SLC9A9: variants seen among roughly 807,000 people sequenced by gnomAD.
The protein encoded by SLC9A9 is solute carrier family 9 member A9, also known as sodium/hydrogen exchanger 9.
In SLC9A9, 62 loss-of-function variants were observed where a neutral mutation model predicts 77.8. That is an observed-to-expected ratio of 0.80 (90% CI 0.65 to 0.98). The LOEUF is 0.98. SLC9A9 is among the 50% of genes least tolerant of loss of function. SLC9A9 has a pLI of 0.00. For synonymous variants in SLC9A9, 320 were observed against 283.5 expected (o/e 1.13, Z -1.29); for missense variants, 775 against 774.9 (o/e 1.00, Z 0.00).
At chr3:143,610,815 C>G (rs2038011788) in intron 6 of SLC9A9, among the ~76,000 whole-genome samples, 1 of 152,188 alleles carries the variant, frequency 6.6e-6, no homozygotes, top group African/African-American at 2.4e-5. Context: ...GAGGTGCCTT[C>G]AAATAAAGGC....
chr3:143,760,371 A>G (rs899752861), intron 4 of SLC9A9, among the ~76,000 whole-genome samples: 1 of 152,192 alleles, frequency 6.6e-6, no homozygotes, highest in African/African-American at 2.4e-5. Flanking sequence ...GAAAGAAATA[A>G]AGGGTATTCA....
At chr3:143,286,743 G>A (rs1179849900) in intron 14 of SLC9A9, among the ~76,000 whole-genome samples, 1 of 152,184 alleles carries the variant, frequency 6.6e-6, no homozygotes, top group African/African-American at 2.4e-5. Flanking sequence ...TTCAATGCCT[G>A]CAGATAACCC....
intron 5 of SLC9A9, among the ~76,000 whole-genome samples, chr3:143,678,399 A>T (rs6775995): frequency 0.23 from 34,522 of 151,994 alleles, 3,981 homozygotes; most frequent in Middle Eastern, 0.27. Context: ...ATATAGATTT[A>T]TAGATTTTCT....
intron 12 of SLC9A9, among the ~76,000 whole-genome samples, chr3:143,398,887 G>C (rs1020854519): frequency 2.0e-5 from 3 of 152,054 alleles, no homozygotes; most frequent in Non-Finnish European, 4.4e-5. Context: ...ACAAATAACT[G>C]AAACCTTATT....
intron 12 of SLC9A9, among the ~76,000 whole-genome samples, chr3:143,398,996 C>T (rs1046595120): frequency 1.3e-4 from 15 of 114,618 alleles, no homozygotes; most frequent in Non-Finnish European, 2.7e-4. Context: ...TTGTTGTATA[C>T]ACACACACAC....
intron 2 of SLC9A9, among the ~76,000 whole-genome samples, chr3:143,814,394 G>T (rs1231267260): frequency 6.6e-6 from 1 of 152,170 alleles, no homozygotes; most frequent in African/African-American, 2.4e-5. Context: ...AAGAGCCAAG[G>T]ATCAAGGACA....
chr3:143,670,652 C>T (rs1439334442), intron 5 of SLC9A9, among the ~76,000 whole-genome samples: 1 of 152,144 alleles, frequency 6.6e-6, no homozygotes, highest in Non-Finnish European at 1.5e-5. Flanking sequence ...GTACAGGAGA[C>T]CTTAAGCTTT....
intron 1 of SLC9A9, among the ~76,000 whole-genome samples, chr3:143,846,728 A>G (rs1405563714): frequency 4.4e-5 from 1 of 22,518 alleles, no homozygotes; most frequent in Admixed American, 6.6e-4. Flanking sequence ...ACAGCAAAAA[A>G]AGGTTTTTTT....
rs182563530 is a variant in SLC9A9 at position 143,480,576 on chromosome 3, A to G, written c.1315+13077T>C. Reference sequence around the variant, plus strand: ...TGCATAAGCTGGTTAACCCTATCCCATCTGGAGACCTCAGAAGACCTACTC... The same window carrying G: ...TGCATAAGCTGGTTAACCCTATCCCGTCTGGAGACCTCAGAAGACCTACTC... On this transcript the variant is annotated intron_variant, in intron 11 of 15. Coordinates refer to ENST00000316549, the MANE Select transcript of SLC9A9 (RefSeq NM_173653.4). Among the ~76,000 whole-genome samples, 718 of 152,214 alleles carry G rather than the reference A, an allele frequency of 4.7e-3. 10 individuals are homozygous for G. The highest frequency in any genetic ancestry group is 0.017 in the African/African-American group (686 of 41,526).
intron 5 of SLC9A9, among the ~76,000 whole-genome samples, chr3:143,663,593 T>G (rs1378146347): frequency 3.3e-5 from 5 of 152,170 alleles, no homozygotes; most frequent in Admixed American, 2.6e-4. Context: ...AATGGCTAAC[T>G]AGAATAACCA....
At chr3:143,387,770 T>C (rs113173436) in intron 12 of SLC9A9, among the ~76,000 whole-genome samples, 48 of 133,978 alleles carry the variant, frequency 3.6e-4, no homozygotes, top group Non-Finnish European at 6.7e-4. Context: ...GATGCTCTTA[T>C]ACCCAACCAT....
chr3:143,397,489 C>T (rs2033755811), intron 12 of SLC9A9, among the ~76,000 whole-genome samples: 1 of 152,176 alleles, frequency 6.6e-6, no homozygotes, highest in African/African-American at 2.4e-5. Context: ...AAACAAATCC[C>T]AGACTCTCAG....
chr3:143,806,825 T>G (rs550058102), intron 2 of SLC9A9, among the ~76,000 whole-genome samples: 30 of 152,244 alleles, frequency 2.0e-4, no homozygotes, highest in Non-Finnish European at 2.2e-4. Context: ...CAACAAGGTA[T>G]GTATAGTCAA....
intron 12 of SLC9A9, among the ~76,000 whole-genome samples, chr3:143,438,428 GTGTGTGTGTT>G (rs1220182119): frequency 6.6e-6 from 1 of 152,094 alleles, no homozygotes; most frequent in African/African-American, 2.4e-5. Context: ...CCTGGCGTGT[GTGTGTGTGTT>G]TGTGTGTGTG....
chr3:143,509,553 A>G (rs2036080102), intron 9 of SLC9A9, among the ~76,000 whole-genome samples: 1 of 152,182 alleles, frequency 6.6e-6, no homozygotes, highest in African/African-American at 2.4e-5. Flanking sequence ...GTAAGAGTGT[A>G]TTTCTCTTTG....
chr3:143,301,307 C>A (rs1020179994), intron 14 of SLC9A9, among the ~76,000 whole-genome samples: 2 of 152,220 alleles, frequency 1.3e-5, no homozygotes, highest in Admixed American at 6.5e-5. Context: ...CTATCTCTCT[C>A]CCTCTTTTAA....
chr3:143,842,258 G>A (rs1331693923), intron 1 of SLC9A9, among the ~76,000 whole-genome samples: 1 of 152,114 alleles, frequency 6.6e-6, no homozygotes, highest in African/African-American at 2.4e-5. Flanking sequence ...GTGGGCGCCT[G>A]TAGTCCCAAC....
intron 2 of SLC9A9, among the ~76,000 whole-genome samples, chr3:143,821,551 T>G (rs530381259): frequency 6.6e-6 from 1 of 152,296 alleles, no homozygotes; most frequent in African/African-American, 2.4e-5. Flanking sequence ...TTTGGGGACG[T>G]GAAAAATGAA....
chr3:143,530,122 A>G (rs773645594), intron 9 of SLC9A9, among the ~76,000 whole-genome samples: 32 of 152,220 alleles, frequency 2.1e-4, no homozygotes, highest in Non-Finnish European at 3.5e-4. Context: ...TTGAGTTTAG[A>G]GGGCTGTGGC....
Sources: allele counts gnomAD v4.1 joint callset (sites outside exome capture counted in the v4.1 genomes callset), GRCh38; gene constraint gnomAD v4.1.1; transcripts MANE v1.5; gene names NCBI Gene and HGNC (gene_info 2026-07-23, HGNC 2026-07-21).